Variants in ARHGEF12 observed in about 807,000 individuals in gnomAD.
ARHGEF12 encodes the protein Rho guanine nucleotide exchange factor 12.
In ARHGEF12, 66 loss-of-function variants were observed where a neutral mutation model predicts 211.2. That is an observed-to-expected ratio of 0.31 (90% CI 0.26 to 0.38). ARHGEF12 has a LOEUF of 0.38. Ranked by LOEUF, ARHGEF12 falls within the 10% of genes least tolerant of loss-of-function variation. The probability of loss-of-function intolerance (pLI) is 1.00; values close to 1 mark genes in which losing one functional copy is unlikely to be tolerated. For synonymous variants in ARHGEF12, 592 were observed against 638.4 expected (o/e 0.93, Z 1.09); for missense variants, 1,429 against 1,869.5 (o/e 0.76, Z 4.34).
chr11:120,437,821 T>TA (rs1224906687), intron 12 of ARHGEF12, among the ~76,000 whole-genome samples: 1 of 152,234 alleles, frequency 6.6e-6, no homozygotes, highest in Non-Finnish European at 1.5e-5. Context: ...AAAAGAATGA[T>TA]ACAATGTTTA....
In ARHGEF12 at chr11:120,480,081, C is replaced by T. The variant is rs1947185334; in HGVS notation, c.3888C>T (p.Val1296=). 6.2e-7 allele frequency: 1 copy of T among 1,614,096 alleles called. No individual in the cohort carries two copies. The highest frequency in any genetic ancestry group is 8.5e-7 in the Non-Finnish European group (1 of 1,180,048). The change falls in exon 38 of 41, where the codon GTC becomes GTT. Residue 1296 remains valine (V), a synonymous_variant. Transcript: ENST00000397843. ...TASQGPQTDS[V]IQNSENIKAY... is the part of the protein sequence containing the mutation. ...CTCAGGGGCCGCAGACAGACAGTGT[C>T]ATCCAGAACTCTGAAAATATTAAGG...
chr11:120,471,783 A>T (rs1946876976), intron 30 of ARHGEF12, among the ~76,000 whole-genome samples: 1 of 152,238 alleles, frequency 6.6e-6, no homozygotes, highest in South Asian at 2.1e-4. Context: ...TGTAGAATAT[A>T]GATGGTAATA....
chr11:120,467,316 A>AT lies in ARHGEF12; in HGVS notation c.2854+12dup. On this transcript the variant is annotated intron_variant, in intron 29 of 40. Transcript: ENST00000397843. The stretch of plus-strand genomic sequence containing the variant: ...ATATTGCCAAATACACAGGTACAGC[A>AT]TTTTCACTGAAATAAAAAGCTTAAG... The AT allele has an allele frequency of 6.5e-7, 1 of 1,534,972 alleles. No homozygotes were observed. Among genetic ancestry groups the AT allele is most frequent in the Non-Finnish European group, 9.0e-7 (1 of 1,112,524 alleles).
At chr11:120,371,829 A>G (rs1488574254) in intron 1 of ARHGEF12, among the ~76,000 whole-genome samples, 1 of 152,226 alleles carries the variant, frequency 6.6e-6, no homozygotes, top group Non-Finnish European at 1.5e-5. Flanking sequence ...CTCCCATTAA[A>G]TTAAAAAAAT....
At chr11:120,378,797 T>C (rs1348572843) in intron 1 of ARHGEF12, among the ~76,000 whole-genome samples, 1 of 152,210 alleles carries the variant, frequency 6.6e-6, no homozygotes, top group African/African-American at 2.4e-5. Context: ...CATAGTTGTA[T>C]TTATGGTTTC....
chr11:120,368,307 AT>A (rs1943487781), intron 1 of ARHGEF12, among the ~76,000 whole-genome samples: 2 of 152,120 alleles, frequency 1.3e-5, no homozygotes, highest in South Asian at 4.1e-4. Flanking sequence ...TGTCTGGCTA[AT>A]TTTTTAATTC....
At chr11:120,477,060 A>G (rs1185846305) in intron 34 of ARHGEF12, 159 bp from the exon 35 acceptor site, 2 of 657,484 alleles carry the variant, frequency 3.0e-6, no homozygotes, top group Non-Finnish European at 5.2e-6. Flanking sequence ...CAAAATAAAG[A>G]TATTCTCTGG....
In ARHGEF12 at chr11:120,429,535, G is replaced by A; in HGVS notation, c.663+18G>A. ...GGCTACAGGTATTAAATGAGAAGTA[G>A]GGCTGTTTACAGGCCAATAAAAATG... On this transcript the variant is annotated intron_variant, in intron 9 of 40. Coordinates refer to ENST00000397843, the MANE Select transcript of ARHGEF12 (RefSeq NM_015313.3). The A allele has an allele frequency of 6.2e-7, 1 of 1,611,520 alleles. No individual in the cohort carries two copies. The highest frequency in any genetic ancestry group is 8.5e-7 in the Non-Finnish European group (1 of 1,178,798).
intron 22 of ARHGEF12, among the ~76,000 whole-genome samples, chr11:120,455,706 A>G (rs1323882338): frequency 6.6e-6 from 1 of 152,240 alleles, no homozygotes; most frequent in Non-Finnish European, 1.5e-5. Flanking sequence ...GTAACAGGCC[A>G]GGAGAGCCAC....
At chr11:120,361,508 G>T (rs1410875328) in intron 1 of ARHGEF12, among the ~76,000 whole-genome samples, 2 of 152,218 alleles carry the variant, frequency 1.3e-5, no homozygotes, top group Non-Finnish European at 2.9e-5. Flanking sequence ...TTCTGAGTGT[G>T]TCAAGTTATT....
Position 120,477,244 on chromosome 11 carries a change from G to A in ARHGEF12, c.3391G>A (p.Ala1131Thr). ...CTGGCAGGACCTAATCTGTCGGATG[G>A]CTGCATCAGTGAAGGAGCAATCCAC... ...TVWQDLICRM[A>T]ASVKEQSTKP... The change falls in exon 35 of 41, where the codon GCT becomes ACT. Residue 1131 changes from alanine to threonine, a missense_variant. Physicochemically the swap from Ala to Thr is moderately conservative, Grantham distance 58. Around this residue, in one of 7 missense-constraint regions of ARHGEF12, gnomAD observed 223 missense variants for 444.6 expected, o/e 0.50. Coordinates refer to ENST00000397843, the MANE Select transcript of ARHGEF12 (RefSeq NM_015313.3). 6.2e-7 allele frequency: 1 copy of A among 1,613,966 alleles called. No homozygotes were observed. Among genetic ancestry groups the A allele is most frequent in the Non-Finnish European group, 8.5e-7 (1 of 1,180,012 alleles).
At chr11:120,374,049 C>T (rs544913579) in intron 1 of ARHGEF12, among the ~76,000 whole-genome samples, 3 of 152,252 alleles carry the variant, frequency 2.0e-5, no homozygotes, top group South Asian at 2.1e-4. Context: ...TCAGGTGATC[C>T]GCCCGCCTTG....
intron 7 of ARHGEF12, among the ~76,000 whole-genome samples, chr11:120,427,718 A>G (rs1945389218): frequency 6.6e-6 from 1 of 152,074 alleles, no homozygotes; most frequent in Non-Finnish European, 1.5e-5. Context: ...GAAATTAATT[A>G]AACATAGCCA....
rs1276600827 is a variant in ARHGEF12, at chr11:120,451,732, A to G, written c.2056+8A>G. The G allele has an allele frequency of 1.9e-6, 3 of 1,610,678 alleles. No individual in the cohort carries two copies. The highest frequency in any genetic ancestry group is 1.7e-6 in the Non-Finnish European group (2 of 1,177,744). The stretch of plus-strand genomic sequence containing the variant: ...GGAAAGAGAATGATACAGGTGAGCT[A>G]TTACTGTAGTTCAGCTTAACTAAGC... On this transcript the variant is annotated splice_region_variant and intron_variant, in intron 22 of 40. Transcript: ENST00000397843.
At position 120,473,110 on chromosome 11, in the gene ARHGEF12, A is replaced by G; in HGVS notation, c.3016A>G (p.Asn1006Asp). 6.2e-7 allele frequency: 1 copy of G among 1,613,400 alleles called. No homozygotes were observed. Among genetic ancestry groups the G allele is most frequent in the Non-Finnish European group, 8.5e-7 (1 of 1,179,662 alleles). The change falls in exon 31 of 41, where the codon AAT (asparagine) becomes GAT (aspartate). Residue 1006 changes from asparagine (N) to aspartate (D), a missense_variant. Coordinates refer to ENST00000397843, the MANE Select transcript of ARHGEF12 (RefSeq NM_015313.3). ...TSSLKLSEYP[N>D]VEELRNLDLT... The stretch of plus-strand genomic sequence containing the variant: ...CAGCCTGAAGTTGTCAGAGTACCCA[A>G]ATGTTGAAGAGCTCAGGGTGAGAGA...
At position 120,480,113 on chromosome 11, in the gene ARHGEF12, A is replaced by C; in HGVS notation, c.3920A>C (p.His1307Pro). Residue 1307 changes from histidine to proline, a missense_variant, in exon 38 of 41, where the codon CAT (histidine) becomes CCT (proline). Transcript: ENST00000397843. ...AACTCTGAAAATATTAAGGCCTATC[A>C]TTCTGGTGAAGGACATATGCCCTTT... ...IQNSENIKAY[H>P]SGEGHMPFRT... 6.2e-7 allele frequency: 1 copy of C among 1,614,224 alleles called. No individual in the cohort carries two copies. Among genetic ancestry groups the C allele is most frequent in the Non-Finnish European group, 8.5e-7 (1 of 1,180,028 alleles).
intron 15 of ARHGEF12, among the ~76,000 whole-genome samples, chr11:120,445,129 G>A (rs1441730557): frequency 6.6e-6 from 1 of 152,022 alleles, no homozygotes; most frequent in Non-Finnish European, 1.5e-5. Context: ...ATTCTAGGAA[G>A]CCAAAGCCAA....
intron 1 of ARHGEF12, among the ~76,000 whole-genome samples, chr11:120,349,085 G>A (rs774573913): frequency 2.0e-5 from 3 of 152,160 alleles, no homozygotes; most frequent in Non-Finnish European, 4.4e-5. Flanking sequence ...TATTTTAGTT[G>A]CAATTGTTAG....
intron 1 of ARHGEF12, chr11:120,405,884 T>C (rs2135569211): frequency 2.7e-6 from 1 of 371,434 alleles, no homozygotes. Flanking sequence ...AAAGAAAAGC[T>C]ATATTCTAGG....
Sources: allele counts gnomAD v4.1 joint callset (sites outside exome capture counted in the v4.1 genomes callset), GRCh38; gene constraint gnomAD v4.1.1; regional missense constraint gnomAD v4.1.1; transcripts MANE v1.5; gene names NCBI Gene and HGNC (gene_info 2026-07-23, HGNC 2026-07-21).